Variants in KRT86 observed in about 807,000 individuals in gnomAD.
KRT86 encodes the protein keratin 86.
Under a neutral mutation model 41.2 loss-of-function variants are expected in KRT86, and 30 were observed. That is an observed-to-expected ratio of 0.73 (90% CI 0.54 to 0.99). The LOEUF (loss-of-function observed/expected upper bound fraction) is 0.99. Ranked by LOEUF, KRT86 falls within the 50% of genes least tolerant of loss-of-function variation. KRT86 has a pLI of 0.00. For missense variants in KRT86, 561 were observed against 571.4 expected (o/e 0.98, Z 0.19); for synonymous variants, 238 against 238.1 (o/e 1.00, Z 0.00).
intron 9 of KRT86, chr12:52,306,481 A>G: frequency 1.3e-6 from 1 of 756,928 alleles, no homozygotes; most frequent in Non-Finnish European, 2.1e-6. Context: ...CTGAGATTGC[A>G]GTCTTGTTCA....
At chr12:52,286,905 A>G in intron 2 of KRT86, 1 of 1,557,004 alleles carries the variant, frequency 6.4e-7, no homozygotes, top group South Asian at 1.1e-5. Context: ...GGTAGGGTCC[A>G]CAACTGGTCA....
chr12:52,308,691 C>A lies in KRT86; in HGVS notation c.*106C>A. Reference sequence around the variant, plus strand: ...CGCCGGCCTCCCAATAGCCGCCGCCCGCTGCCTGCACTCTAAGCGCCCTCC... The same window carrying A: ...CGCCGGCCTCCCAATAGCCGCCGCCAGCTGCCTGCACTCTAAGCGCCCTCC... On this transcript the variant is annotated 3_prime_UTR_variant, in exon 11 of 11. Coordinates refer to ENST00000423955, the MANE Select transcript of KRT86 (RefSeq NM_001320198.2). 2 of 1,104,414 alleles carry A rather than the reference C, an allele frequency of 1.8e-6. No homozygotes were observed. The highest frequency in any genetic ancestry group is 2.6e-6 in the Non-Finnish European group (2 of 760,888). The allele number at this position is 1,104,414 out of a possible 1,614,324, so 68.4% of individuals were successfully genotyped here.
intron 2 of KRT86, chr12:52,278,852 G>C (rs2125118): frequency 0.5 from 76,534 of 151,828 alleles, 19,561 homozygotes; most frequent in African/African-American, 0.53. Context: ...CCTTTTGTCG[G>C]GGGCTATTTC....
At position 52,301,974 on chromosome 12, in the gene KRT86, C is replaced by T; in HGVS notation, c.58C>T (p.Pro20Ser). Residue 20 changes from proline (P) to serine (S), a missense_variant, in exon 3 of 11, where the codon CCC becomes TCC. Around this residue, in one of 3 missense-constraint regions of KRT86, gnomAD observed 164 missense variants for 172.5 expected, o/e 0.95. Coordinates refer to ENST00000423955, the MANE Select transcript of KRT86 (RefSeq NM_001320198.2). The part of the protein sequence containing the change: ...RAFSCISACG[P>S]RPGRCCITAA... ...CTTCAGCTGCATCTCGGCCTGCGGG[C>T]CCCGGCCCGGCCGCTGCTGCATCAC... The T allele has an allele frequency of 6.2e-7, 1 of 1,613,538 alleles. No homozygotes were observed.
intron 2 of KRT86, among the ~76,000 whole-genome samples, chr12:52,280,282 T>C (rs1161093610): frequency 2.6e-5 from 4 of 152,198 alleles, no homozygotes; most frequent in Non-Finnish European, 4.4e-5. Context: ...TTACAAGGCA[T>C]TGGATTTTGG....
intron 2 of KRT86, among the ~76,000 whole-genome samples, chr12:52,282,352 C>T (rs1937794038): frequency 6.6e-6 from 1 of 152,056 alleles, no homozygotes; most frequent in African/African-American, 2.4e-5. Context: ...TCCGCCTCAG[C>T]CTCCCAGATA....
chr12:52,307,519 C>T (rs938771903), intron 9 of KRT86, among the ~76,000 whole-genome samples: 3 of 152,190 alleles, frequency 2.0e-5, no homozygotes, highest in Non-Finnish European at 4.4e-5. Context: ...CCATTTTCTT[C>T]CCTTAGGGGA....
rs1441362918 is a variant in KRT86 at position 52,303,219 on chromosome 12, G to A, written c.489G>A (p.Arg163=). The stretch of plus-strand genomic sequence containing the variant: ...TTGAGGGCTACATCGAGACTCTGCG[G>A]CGGGAGGCCGAGTGCGTGGAGGCCG... ...PLFEGYIETL[R]REAECVEADS... is the part of the protein sequence containing the mutation. The change falls in exon 4 of 11, where the codon CGG becomes CGA. Residue 163 remains arginine, a synonymous_variant. Transcript: ENST00000423955. The A allele has an allele frequency of 2.2e-6, 1 of 451,246 alleles. No homozygotes were observed. Among genetic ancestry groups the A allele is most frequent in the East Asian group, 3.5e-5 (1 of 28,640 alleles). The allele number at this position is 451,246 out of a possible 1,614,324, so 28.0% of individuals were successfully genotyped here.
In KRT86 at chr12:52,308,440, A is replaced by C; in HGVS notation, c.1316A>C (p.Asp439Ala). The C allele has an allele frequency of 1.2e-6, 2 of 1,611,968 alleles. No individual in the cohort carries two copies. Among genetic ancestry groups the C allele is most frequent in the Non-Finnish European group, 1.7e-6 (2 of 1,179,752 alleles). ...SSSRGGVVCG[D>A]LCASTTAPVV... ...TCCCGCGGTGGCGTTGTCTGTGGCG[A>C]TCTCTGCGCCTCCACTACTGCCCCT... The change falls in exon 11 of 11, where the codon GAT (aspartate) becomes GCT (alanine). Residue 439 changes from aspartate (D) to alanine (A), a missense_variant. This residue lies in a region of KRT86 where 397 missense variants were observed against 375.9 expected (regional missense o/e 1.06). Transcript: ENST00000423955.
chr12:52,286,956 A>G (rs1937961959), intron 2 of KRT86: 4 of 1,541,682 alleles, frequency 2.6e-6, no homozygotes, highest in Non-Finnish European at 3.6e-6. Flanking sequence ...CCTCAGACAA[A>G]CTCACACACC....
At chr12:52,287,230 G>A (rs572546241) in intron 2 of KRT86, 75 of 1,614,076 alleles carry the variant, frequency 4.6e-5, no homozygotes, top group East Asian at 2.5e-4. Flanking sequence ...TCTGCAGGGC[G>A]CCCTCCAGCT....
intron 2 of KRT86, among the ~76,000 whole-genome samples, chr12:52,283,443 G>T (rs1937827655): frequency 7.4e-6 from 1 of 135,594 alleles, no homozygotes; most frequent in Admixed American, 7.5e-5. Context: ...AATTGGTAAG[G>T]GATGTTAGTA....
intron 2 of KRT86, chr12:52,286,620 G>C: frequency 1.7e-6 from 2 of 1,197,236 alleles, no homozygotes; most frequent in Non-Finnish European, 2.4e-6. Flanking sequence ...ACAATTCTAG[G>C]TCCATCTAGT....
At chr12:52,298,214 T>TG (rs1938291913) in intron 2 of KRT86, among the ~76,000 whole-genome samples, 1 of 152,120 alleles carries the variant, frequency 6.6e-6, no homozygotes, top group Non-Finnish European at 1.5e-5. Flanking sequence ...GGAGCAGAGA[T>TG]TGAAGGAGGG....
chr12:52,282,482 C>G (rs1031262562), intron 2 of KRT86, among the ~76,000 whole-genome samples: 1 of 151,754 alleles, frequency 6.6e-6, no homozygotes, highest in Non-Finnish European at 1.5e-5. Context: ...GTGATCCGCC[C>G]GCCTCAGCCT....
At chr12:52,296,485 G>A (rs746638772) in intron 2 of KRT86, among the ~76,000 whole-genome samples, 51 of 152,200 alleles carry the variant, frequency 3.4e-4, no homozygotes, top group Admixed American at 1.4e-3. Context: ...GCACCCAGCT[G>A]GTTAGTGGGA....
intron 2 of KRT86, chr12:52,285,939 A>G (rs1459537671): frequency 4.7e-6 from 2 of 429,730 alleles, no homozygotes; most frequent in Admixed American, 3.6e-5. Flanking sequence ...ATTGAAACAC[A>G]GATCAAGAGC....
rs772546220 is a variant in KRT86, at chr12:52,306,164, G to A, written c.1131G>A (p.Lys377=). The A allele has an allele frequency of 1.9e-6, 3 of 1,613,846 alleles. No individual in the cohort carries two copies. The highest frequency in any genetic ancestry group is 2.5e-6 in the Non-Finnish European group (3 of 1,180,048). Residue 377 remains lysine (K), a synonymous_variant, in exon 9 of 11, where the codon AAG becomes AAA. Coordinates refer to ENST00000423955, the MANE Select transcript of KRT86 (RefSeq NM_001320198.2). ...CCGAGCTGGAGGGTGCCCTGCAGAA[G>A]GCCAAGCAGGACATGGCCTGCCTGA... The part of the protein sequence containing the change: ...KLAELEGALQ[K]AKQDMACLIR...
chr12:52,305,229 A>ACCT lies in KRT86; in HGVS notation c.736-7_736-5dup, dbSNP rs1938477917. Reference sequence around the variant, plus strand: ...GTTCTCAACTAAAGTCACTGCCCTCACCTCCTGCAGGAGATCCGCGTTCTC... The same window carrying ACCT: ...GTTCTCAACTAAAGTCACTGCCCTCACCTCCTCCTGCAGGAGATCCGCGTTCTC... On this transcript the variant is annotated splice_polypyrimidine_tract_variant and intron_variant, in intron 6 of 10. Coordinates refer to ENST00000423955, the MANE Select transcript of KRT86 (RefSeq NM_001320198.2). The ACCT allele has an allele frequency of 6.2e-7, 1 of 1,613,970 alleles. No individual in the cohort carries two copies. Among genetic ancestry groups the ACCT allele is most frequent in the South Asian group, 1.1e-5 (1 of 91,084 alleles).
Sources: gnomAD v4.1 joint callset for allele counts (sites outside exome capture counted in the v4.1 genomes callset) on GRCh38, gnomAD v4.1.1 for gene constraint, gnomAD v4.1.1 regional missense constraint, MANE v1.5 for transcripts, NCBI Gene and HGNC (gene_info 2026-07-23, HGNC 2026-07-21) for gene names.